DPH6: variants seen among roughly 807,000 people sequenced by gnomAD.
DPH6 encodes the protein diphthamine biosynthesis 6.
DPH6 carries 33 observed loss-of-function variants against 38.2 expected under a neutral mutation model. That is an observed-to-expected ratio of 0.86 (90% confidence interval 0.65 to 1.15). The LOEUF is 1.15. Ranked by LOEUF, DPH6 falls within the 50% of genes most tolerant of loss-of-function variation. The pLI, the probability that DPH6 is intolerant of heterozygous loss-of-function variation, is 0.00. For missense variants in DPH6, 325 were observed against 320.0 expected, an observed-to-expected ratio of 1.02 and a Z score of -0.12; for synonymous variants, 108 against 103.0, an observed-to-expected ratio of 1.05 and a Z score of -0.30.
intron 1 of DPH6, among the ~76,000 whole-genome samples, chr15:35,544,005 C>T (rs190709557): frequency 3.9e-5 from 6 of 152,260 alleles, no homozygotes; most frequent in African/African-American, 1.2e-4. Context: ...ACACTGGTGT[C>T]CAACAAAATA....
chr15:35,411,646 T>G (rs1407802336), intron 5 of DPH6, among the ~76,000 whole-genome samples: 1 of 151,656 alleles, frequency 6.6e-6, no homozygotes, highest in Non-Finnish European at 1.5e-5. Context: ...AAAAATCCCA[T>G]GTCACAAGTG....
At chr15:35,230,941 A>G (rs143803559) in intron 3 of DPH6, among the ~76,000 whole-genome samples, 5 of 152,194 alleles carry the variant, frequency 3.3e-5, no homozygotes, top group African/African-American at 4.8e-5. Flanking sequence ...AGAGGTCTCT[A>G]TTGGATCTGT....
intron 3 of DPH6, among the ~76,000 whole-genome samples, chr15:35,534,143 C>T (rs901771500): frequency 6.6e-6 from 1 of 151,826 alleles, no homozygotes. Context: ...TTAGGGAGGC[C>T]GAGGTGGACA....
intron 3 of DPH6, among the ~76,000 whole-genome samples, chr15:35,526,582 C>T (rs373773154): frequency 6.6e-6 from 1 of 152,058 alleles, no homozygotes; most frequent in African/African-American, 2.4e-5. Flanking sequence ...CAAATGATGG[C>T]CCCATTCTAC....
chr15:35,296,905 C>T (rs1304966659), intron 3 of DPH6, among the ~76,000 whole-genome samples: 7 of 126,572 alleles, frequency 5.5e-5, no homozygotes, highest in East Asian at 8.6e-4. Context: ...CCCGGGTTCA[C>T]GCCATTCTCC....
chr15:35,325,996 G>A (rs991840398), downstream of DPH6, among the ~76,000 whole-genome samples: 9 of 152,006 alleles, frequency 5.9e-5, no homozygotes, highest in Admixed American at 2.0e-4. Context: ...ACCAACACAA[G>A]ATACCACAAT....
rs58549209 is a variant in DPH6, at chr15:35,473,913, A to AGTGTGT, written c.313-19099_313-19094dup. On this transcript the variant is annotated intron_variant, in intron 3 of 8. Transcript: ENST00000256538. ...AGGCAAGCGATAGAACACTGTGCACAGTGTGTGTGTGTGTGTGTGTGTGTG... is the reference window on the plus strand; with the variant it reads ...AGGCAAGCGATAGAACACTGTGCACAGTGTGTGTGTGTGTGTGTGTGTGTGTGTGTG... 4.9e-3 allele frequency among the ~76,000 whole-genome samples: 617 copies of AGTGTGT among 126,858 alleles called. 2 individuals are homozygous for AGTGTGT. The highest frequency in any genetic ancestry group is 8.3e-3 in the Middle Eastern group (2 of 240). The allele number at this position is 126,858 out of a possible 152,430, so 83.2% of individuals were successfully genotyped here. A position where few individuals can be genotyped will look rare whatever the true frequency, so the allele number is the denominator to read the frequency against.
chr15:35,150,258 C>T, the DPH6 span, among the ~76,000 whole-genome samples: 1 of 152,134 alleles, frequency 6.6e-6, no homozygotes, highest in South Asian at 2.1e-4. Context: ...GAGAGAATGA[C>T]AGATCAGAGT....
downstream of DPH6, among the ~76,000 whole-genome samples, chr15:35,330,463 C>G (rs2052318959): frequency 6.6e-6 from 1 of 152,068 alleles, no homozygotes; most frequent in African/African-American, 2.4e-5. Context: ...ACGTGATTCC[C>G]AAGACAGCAA....
intron 3 of DPH6, among the ~76,000 whole-genome samples, chr15:35,295,483 G>A (rs67761293): frequency 0.03 from 4,561 of 152,170 alleles, 194 homozygotes; most frequent in African/African-American, 0.098. Context: ...AAAATCTCCA[G>A]TCTCTTAGAA....
intron 3 of DPH6, among the ~76,000 whole-genome samples, chr15:35,457,436 G>A (rs556377505): frequency 6.6e-6 from 1 of 151,956 alleles, no homozygotes; most frequent in African/African-American, 2.4e-5. Flanking sequence ...TGGGATTACA[G>A]GCATGTGTTG....
the DPH6 span, among the ~76,000 whole-genome samples, chr15:35,188,444 C>A: frequency 6.6e-6 from 1 of 152,098 alleles, no homozygotes; most frequent in East Asian, 1.9e-4. Flanking sequence ...AATGCAAGAC[C>A]CTGGAAGTAT....
At chr15:35,329,364 A>C (rs1435921795), downstream of DPH6, among the ~76,000 whole-genome samples, 1 of 152,216 alleles carries the variant, frequency 6.6e-6, no homozygotes, top group Admixed American at 6.5e-5. Flanking sequence ...CAATAAATTA[A>C]TGAAAGACAA....
At chr15:35,469,303 T>C (rs1409103217) in intron 3 of DPH6, among the ~76,000 whole-genome samples, 1 of 152,252 alleles carries the variant, frequency 6.6e-6, no homozygotes, top group Non-Finnish European at 1.5e-5. Flanking sequence ...CATTTTTAAG[T>C]GTAAAGTTCA....
chr15:35,329,012 G>T (rs749068793), downstream of DPH6, among the ~76,000 whole-genome samples: 1 of 152,130 alleles, frequency 6.6e-6, no homozygotes, highest in African/African-American at 2.4e-5. Context: ...AGAACAGTAC[G>T]CGGGAAACTG....
rs182137218 is a variant in DPH6 at position 35,378,637 on chromosome 15, T to C, written c.662+3185A>G. Among the ~76,000 whole-genome samples the C allele has an allele frequency of 3.1e-3, 473 of 152,292 alleles. 2 individuals are homozygous for C. The highest frequency in any genetic ancestry group is 5.4e-3 in the Non-Finnish European group (365 of 68,032). ...GTGGCACATATACATCATGGAATAC[T>C]ATGCAGCCAGAAAAAAGGATGAGTT... On this transcript the variant is annotated intron_variant, in intron 7 of 8. Coordinates refer to ENST00000256538, the MANE Select transcript of DPH6 (RefSeq NM_080650.4).
At chr15:35,310,835 A>G (rs537108796) in intron 3 of DPH6, among the ~76,000 whole-genome samples, 21 of 151,656 alleles carry the variant, frequency 1.4e-4, no homozygotes, top group Admixed American at 8.5e-4. Context: ...GGATCACCTG[A>G]GGTCGGGAGT....
chr15:35,182,811 TATA>T, the DPH6 span, among the ~76,000 whole-genome samples: 5 of 152,236 alleles, frequency 3.3e-5, no homozygotes, highest in African/African-American at 1.2e-4. Flanking sequence ...ATTTCTTGGC[TATA>T]ATAATATAAT....
intron 3 of DPH6, among the ~76,000 whole-genome samples, chr15:35,350,794 T>C (rs1215050085): frequency 6.6e-6 from 1 of 152,198 alleles, no homozygotes; most frequent in Non-Finnish European, 1.5e-5. Flanking sequence ...TTAGAGAAGA[T>C]AGATGGTATG....
Sources: gnomAD v4.1 joint callset for allele counts (sites outside exome capture counted in the v4.1 genomes callset) on GRCh38, gnomAD v4.1.1 for gene constraint, MANE v1.5 for transcripts, NCBI Gene and HGNC (gene_info 2026-07-23, HGNC 2026-07-21) for gene names.